Variants in DOCK4 observed in about 807,000 individuals in gnomAD.
DOCK4 encodes the protein dedicator of cytokinesis protein 4.
A neutral mutation model predicts 268.1 loss-of-function variants in DOCK4; 97 were observed. The ratio of observed to expected loss-of-function variants is 0.36; its 90% CI spans 0.31 to 0.43. The LOEUF is 0.43. Ranked by LOEUF, DOCK4 falls within the 20% of genes least tolerant of loss-of-function variation. The pLI is 1.00. For synonymous variants in DOCK4, 954 were observed against 887.2 expected (o/e 1.08, Z -1.34); for missense variants, 2,145 against 2,455.7 (o/e 0.87, Z 2.67).
chr7:112,070,150 C>A (rs1563055576), intron 1 of DOCK4, among the ~76,000 whole-genome samples: 1 of 152,090 alleles, frequency 6.6e-6, no homozygotes, highest in Non-Finnish European at 1.5e-5. Flanking sequence ...TAGAAAGCAG[C>A]TATAGTAGCA....
intron 1 of DOCK4, among the ~76,000 whole-genome samples, chr7:112,200,241 G>C (rs1329253270): frequency 6.6e-6 from 1 of 152,116 alleles, no homozygotes; most frequent in Admixed American, 6.5e-5. Flanking sequence ...ATTACATAGA[G>C]TATAAGCAAG....
intron 23 of DOCK4, 147 bp from the exon 24 acceptor site, chr7:111,847,273 T>C (rs1203812070): frequency 1.7e-5 from 17 of 1,015,006 alleles, no homozygotes; most frequent in Non-Finnish European, 2.4e-5. Context: ...AGGTTTATAT[T>C]GAAAAACAGC....
intron 30 of DOCK4, among the ~76,000 whole-genome samples, chr7:111,805,359 A>G (rs1408150561): frequency 1.3e-5 from 2 of 152,204 alleles, no homozygotes; most frequent in African/African-American, 4.8e-5. Flanking sequence ...GGATCCAAAT[A>G]TTTACTAATT....
At chr7:111,741,828 G>T (rs1429381322) in intron 45 of DOCK4, among the ~76,000 whole-genome samples, 167 bp from the exon 46 acceptor site, 1 of 152,158 alleles carries the variant, frequency 6.6e-6, no homozygotes, top group African/African-American at 2.4e-5. Flanking sequence ...ACTTACATTT[G>T]TGTTTTCCCA....
At chr7:111,755,632 A>C in intron 41 of DOCK4, 31 bp from the exon 42 acceptor site, 1 of 1,604,900 alleles carries the variant, frequency 6.2e-7, no homozygotes. Flanking sequence ...TAAGTCTCCC[A>C]AGTTGCCCTT....
chr7:111,978,953 G>A (rs1202335869), intron 7 of DOCK4, among the ~76,000 whole-genome samples: 2 of 152,134 alleles, frequency 1.3e-5, no homozygotes, highest in Non-Finnish European at 2.9e-5. Context: ...TCATAGCACA[G>A]ACTAATAACA....
chr7:112,066,703 A>G (rs1345536896), intron 1 of DOCK4, among the ~76,000 whole-genome samples: 583 of 51,000 alleles, frequency 0.011, 35 homozygotes, highest in African/African-American at 0.036. Flanking sequence ...ATATATATAT[A>G]TATATATATA....
At chr7:112,098,303 T>G (rs1307293259) in intron 1 of DOCK4, among the ~76,000 whole-genome samples, 1 of 151,952 alleles carries the variant, frequency 6.6e-6, no homozygotes, top group African/African-American at 2.4e-5. Context: ...CTCTACCTCC[T>G]GAGTAGCTGG....
intron 1 of DOCK4, among the ~76,000 whole-genome samples, chr7:112,067,035 T>C (rs960427602): frequency 6.6e-6 from 1 of 150,554 alleles, no homozygotes. Context: ...CAAAACCCAC[T>C]GGGCATAGTG....
chr7:111,881,182 G>C (rs575596099), intron 16 of DOCK4, among the ~76,000 whole-genome samples: 1 of 152,204 alleles, frequency 6.6e-6, no homozygotes, highest in Non-Finnish European at 1.5e-5. Flanking sequence ...TATTTGATGA[G>C]GGATTAATAA....
chr7:111,774,963 TG>T (rs1489469322), intron 36 of DOCK4, among the ~76,000 whole-genome samples: 3 of 152,208 alleles, frequency 2.0e-5, no homozygotes, highest in African/African-American at 2.4e-5. Context: ...GTAGCTAGCC[TG>T]TAGGTTGTAG....
intron 8 of DOCK4, among the ~76,000 whole-genome samples, chr7:111,952,107 AT>A (rs1291968061): frequency 3.3e-5 from 5 of 151,800 alleles, no homozygotes; most frequent in Admixed American, 6.6e-5. Context: ...AAAAAAAAAA[AT>A]CAACCAAATA....
At chr7:111,904,107 G>T (rs1375212824) in intron 13 of DOCK4, among the ~76,000 whole-genome samples, 1 of 152,214 alleles carries the variant, frequency 6.6e-6, no homozygotes, top group Non-Finnish European at 1.5e-5. Flanking sequence ...GGTGATAAGG[G>T]AGGTTTGCAA....
At chr7:111,733,972 T>C (rs560249906) in intron 51 of DOCK4, among the ~76,000 whole-genome samples, 1 of 152,298 alleles carries the variant, frequency 6.6e-6, no homozygotes, top group South Asian at 2.1e-4. Context: ...AGGTCTCACT[T>C]TGTTGCCCAG....
intron 1 of DOCK4, among the ~76,000 whole-genome samples, chr7:112,101,721 G>C (rs259311): frequency 6.6e-6 from 1 of 151,944 alleles, no homozygotes; most frequent in African/African-American, 2.4e-5. Context: ...TCTGTAGTTC[G>C]TTCTTGAACT....
intron 1 of DOCK4, among the ~76,000 whole-genome samples, chr7:112,072,504 G>A (rs1425420906): frequency 6.6e-6 from 1 of 152,150 alleles, no homozygotes; most frequent in Non-Finnish European, 1.5e-5. Context: ...AGCAAAAACA[G>A]TACAGAGATT....
At chr7:111,838,042 C>T (rs1586137527) in intron 25 of DOCK4, among the ~76,000 whole-genome samples, 2 of 142,158 alleles carry the variant, frequency 1.4e-5, no homozygotes, top group Admixed American at 1.5e-4. Flanking sequence ...GCCAAGATTG[C>T]ACCACTGCAT....
intron 1 of DOCK4, among the ~76,000 whole-genome samples, chr7:112,051,904 G>A (rs943242268): frequency 3.3e-5 from 5 of 152,014 alleles, no homozygotes; most frequent in African/African-American, 9.7e-5. Flanking sequence ...GATATCTATC[G>A]ATATTTATAG....
chr7:111,868,841 T>C (rs539935316), intron 21 of DOCK4, among the ~76,000 whole-genome samples: 3 of 152,220 alleles, frequency 2.0e-5, no homozygotes, highest in Non-Finnish European at 1.5e-5. Flanking sequence ...AATTTTGTTT[T>C]GACAGGTAGT....
Sources: gnomAD v4.1 joint callset for allele counts (sites outside exome capture counted in the v4.1 genomes callset) on GRCh38, gnomAD v4.1.1 for gene constraint, MANE v1.5 for transcripts, NCBI Gene and HGNC (gene_info 2026-07-23, HGNC 2026-07-21) for gene names.